Variants in SNED1 observed in about 807,000 individuals in gnomAD.
SNED1 encodes sushi, nidogen and EGF like domains 1.
SNED1 carries 81 observed loss-of-function variants against 166.7 expected under a neutral mutation model. The ratio of observed to expected loss-of-function variants is 0.49; its 90% confidence interval spans 0.41 to 0.58. The LOEUF (loss-of-function observed/expected upper bound fraction) is 0.58. SNED1 is among the 20% of genes least tolerant of loss of function. The probability of loss-of-function intolerance (pLI) is 0.00; values close to 1 mark genes in which losing one functional copy is unlikely to be tolerated. For missense variants in SNED1, 1,604 were observed against 2,000.2 expected, an observed-to-expected ratio of 0.80 and a Z score of 3.78; for synonymous variants, 762 against 822.0, an observed-to-expected ratio of 0.93 and a Z score of 1.25.
At chr2:241,071,541 C>A (rs757349628) in intron 24 of SNED1, 35 bp from the exon 25 acceptor site, 20 of 1,563,258 alleles carry the variant, frequency 1.3e-5, no homozygotes, top group Non-Finnish European at 1.7e-5. Context: ...AGAGGGCAGC[C>A]CCAGACCAGC....
intron 17 of SNED1, 152 bp from the exon 18 acceptor site, chr2:241,063,435 G>T: frequency 1.5e-6 from 1 of 661,978 alleles, no homozygotes; most frequent in South Asian, 1.6e-5. Context: ...GGGTGGGTTT[G>T]GGGCTGATGG....
intron 21 of SNED1, 142 bp from the exon 22 acceptor site, chr2:241,067,622 C>T: frequency 1.6e-6 from 1 of 634,540 alleles, no homozygotes; most frequent in Non-Finnish European, 2.7e-6. Context: ...AGCCCGAGTT[C>T]CCTGAGCAGT....
chr2:241,036,806 C>A lies in SNED1; in HGVS notation c.822C>A (p.Ala274=). The change falls in exon 5 of 32, where the codon GCC becomes GCA. Residue 274 remains alanine (A), a synonymous_variant. Coordinates refer to ENST00000310397, the MANE Select transcript of SNED1 (RefSeq NM_001080437.3). ...GCGHTTSVCL[A]LRPCLNGGKC... is the part of the protein sequence containing the mutation. ...TGTCTGCAGCGTCCGTGTGCCTGGC[C>A]CTGCGCCCCTGCCTCAACGGCGGCA... The A allele has an allele frequency of 6.2e-7, 1 of 1,609,318 alleles. No individual in the cohort carries two copies.
intron 17 of SNED1, 119 bp from the exon 18 acceptor site, chr2:241,063,468 T>G: frequency 1.4e-6 from 1 of 730,076 alleles, no homozygotes. Flanking sequence ...ATGTCCTGAG[T>G]AGTTGCTCCC....
chr2:241,007,908 G>GCCTCCCTCTCTTTC (rs1207740987), intron 1 of SNED1, among the ~76,000 whole-genome samples: 2 of 152,218 alleles, frequency 1.3e-5, no homozygotes, highest in African/African-American at 4.8e-5. Flanking sequence ...CTTCGTGCAG[G>GCCTCCCTCTCTTTC]CCTCCCTCTC....
At chr2:241,084,134 A>ATTTT (rs368364855) in intron 29 of SNED1, among the ~76,000 whole-genome samples, 3,465 of 123,234 alleles carry the variant, frequency 0.028, 223 homozygotes, top group African/African-American at 0.1. Context: ...AGCGTCTAGG[A>ATTTT]TTTTTTTTTT....
chr2:241,077,261 A>T (rs2063071287), intron 27 of SNED1, among the ~76,000 whole-genome samples: 1 of 152,176 alleles, frequency 6.6e-6, no homozygotes, highest in South Asian at 2.1e-4. Context: ...ATACCTCATA[A>T]CACAAATTAC....
intron 10 of SNED1, 76 bp from the exon 11 acceptor site, chr2:241,048,946 C>A (rs2061745799): frequency 2.2e-6 from 3 of 1,381,258 alleles, no homozygotes; most frequent in Admixed American, 4.0e-5. Context: ...CTTGGGAGGC[C>A]CCATCCTTGA....
In SNED1 at chr2:241,060,644, T is replaced by TA. The variant is rs148098122; in HGVS notation, c.2258-2138dup. On this transcript the variant is annotated intron_variant, in intron 16 of 31. Transcript: ENST00000310397. ...TGGATTAAAGACCTAAATGTTTCTT[T>TA]AAAAAAAAACTATACAGGGCCGGGC... is the stretch of plus-strand genomic sequence containing the variant. Among the ~76,000 whole-genome samples, 799 of 151,512 alleles carry TA rather than the reference T, an allele frequency of 5.3e-3. 3 individuals are homozygous for TA. The highest frequency in any genetic ancestry group is 8.5e-3 in the African/African-American group (352 of 41,294).
At chr2:241,063,927 T>C in intron 18 of SNED1, 85 bp from the exon 19 acceptor site, 1 of 1,077,126 alleles carries the variant, frequency 9.3e-7, no homozygotes, top group Non-Finnish European at 1.4e-6. Flanking sequence ...CCTAGACTCC[T>C]CCTTTCCCTT....
chr2:241,094,223 T>C lies in SNED1; in HGVS notation c.*2587T>C. On this transcript the variant is annotated 3_prime_UTR_variant, in exon 32 of 32. Coordinates refer to ENST00000310397, the MANE Select transcript of SNED1 (RefSeq NM_001080437.3). The surrounding 1 kb of genome is among the most constrained non-coding windows in gnomAD (Gnocchi z 4.3). ...GTAAGGGAATCTTTGCTGTGCCCAC[T>C]GTCCTCCAGTAGAGAACCCAACAGG... 1 of 444,080 alleles carries C rather than the reference T, an allele frequency of 2.3e-6. No individual in the cohort carries two copies. The highest frequency in any genetic ancestry group is 1.6e-5 in the South Asian group (1 of 61,328). 27.5% of individuals were successfully genotyped at this position (444,080 alleles called of 1,614,324 possible). A position where few individuals can be genotyped will look rare whatever the true frequency, so the allele number is the denominator to read the frequency against.
chr2:241,057,304 C>T (rs1282458341), intron 16 of SNED1, among the ~76,000 whole-genome samples: 2 of 150,414 alleles, frequency 1.3e-5, no homozygotes, highest in Non-Finnish European at 2.9e-5. Context: ...GCTTGAACCT[C>T]GGAGGCGGAG....
chr2:241,077,413 T>C (rs2063081736), intron 27 of SNED1, among the ~76,000 whole-genome samples: 3 of 152,130 alleles, frequency 2.0e-5, no homozygotes, highest in Non-Finnish European at 4.4e-5. Context: ...AAAATCTATA[T>C]ATAAACTACT....
At position 241,073,417 on chromosome 2, in the gene SNED1, G is replaced by A; in HGVS notation, c.3916+53G>A. 2.1e-6 allele frequency: 3 copies of A among 1,426,722 alleles called. No homozygotes were observed. Among genetic ancestry groups the A allele is most frequent in the South Asian group, 1.2e-5 (1 of 81,672 alleles). The allele number at this position is 1,426,722 out of a possible 1,614,324, so 88.4% of individuals were successfully genotyped here. ...TGGGACTGACTGACTGCTCTCAGGG[G>A]CCTTAGAGGCTGCAGGCAGGAGGGA... On this transcript the variant is annotated intron_variant, in intron 27 of 31. Transcript: ENST00000310397. The surrounding 1 kb of genome is among the most constrained non-coding windows in gnomAD (Gnocchi z 6.6).
chr2:241,037,490 C>T (rs1008945989), intron 6 of SNED1, 137 bp downstream of exon 6: 8 of 642,298 alleles, frequency 1.2e-5, no homozygotes, highest in South Asian at 5.7e-5. Context: ...AAGCCACCCT[C>T]GAGGAGTGGA....
At chr2:241,070,321 C>A in intron 24 of SNED1, 120 bp downstream of exon 24, 2 of 1,089,442 alleles carry the variant, frequency 1.8e-6, no homozygotes, top group Non-Finnish European at 2.6e-6. Flanking sequence ...AGAAACAGGA[C>A]CGTGTTAGCA....
At chr2:241,049,164 G>A (rs1433699862) in intron 11 of SNED1, 29 bp downstream of exon 11, 1 of 1,573,974 alleles carries the variant, frequency 6.4e-7, no homozygotes, top group African/African-American at 1.3e-5. Context: ...AGCCTGCTGG[G>A]CCGGGGGCCC....
chr2:241,030,413 G>A lies in SNED1; in HGVS notation c.343G>A (p.Asp115Asn), dbSNP rs369223910. The A allele has an allele frequency of 6.1e-5, 98 of 1,613,292 alleles. No individual in the cohort carries two copies. In the African/African-American group the frequency reaches 1.2e-3, roughly 20 times the overall value. Residue 115 changes from aspartate (D) to asparagine (N), a missense_variant, in exon 2 of 32, where the codon GAC (aspartate) becomes AAC (asparagine). Asp to Asn is a conservative substitution (Grantham distance 23). Around this residue, in one of 2 missense-constraint regions of SNED1, gnomAD observed 1,237 missense variants for 1,620.8 expected, o/e 0.76. Coordinates refer to ENST00000310397, the MANE Select transcript of SNED1 (RefSeq NM_001080437.3). ...WADVDNRRAG[D>N]VYYREATDPA... ...AGATGTGGACAACCGGCGTGCAGGC[G>A]ACGTGTACTACCGGGAGGCCACCGA...
intron 27 of SNED1, chr2:241,074,333 CCT>C (rs1370246799): frequency 6.6e-6 from 1 of 152,114 alleles, no homozygotes; most frequent in Non-Finnish European, 1.5e-5. Context: ...GCTGCTAGCC[CCT>C]GTGAGCACCA....
Sources: gnomAD v4.1 joint callset for allele counts (sites outside exome capture counted in the v4.1 genomes callset) on GRCh38, gnomAD v4.1.1 for gene constraint, gnomAD v4.1.1 regional missense constraint, Gnocchi (gnomAD v3.1) non-coding constraint, MANE v1.5 for transcripts, NCBI Gene and HGNC (gene_info 2026-07-23, HGNC 2026-07-21) for gene names.